The following ADK variants were observed in gnomAD, a reference collection of about 807,000 sequenced individuals.
ADK encodes adenosine kinase.
ADK carries 24 observed loss-of-function variants against 44.7 expected under a neutral mutation model. The observed-to-expected ratio is 0.54, with a 90% CI of 0.39 to 0.76. The LOEUF is 0.76. Among genes scored for constraint, ADK ranks in the 30% least tolerant of loss-of-function variants. The probability of loss-of-function intolerance (pLI) is 0.00; values close to 1 mark genes in which losing one functional copy is unlikely to be tolerated. For missense variants in ADK, 321 were observed against 425.1 expected, an observed-to-expected ratio of 0.76 and a Z score of 2.15; for synonymous variants, 128 against 142.6, an observed-to-expected ratio of 0.90 and a Z score of 0.73.
intron 2 of ADK, among the ~76,000 whole-genome samples, chr10:74,212,482 A>G (rs1282677358): frequency 2.0e-5 from 3 of 152,208 alleles, no homozygotes; most frequent in Non-Finnish European, 4.4e-5. Flanking sequence ...AATAGAGGTT[A>G]AGAGTGTGCT....
intron 1 of ADK, among the ~76,000 whole-genome samples, chr10:74,156,713 A>C (rs370472487): frequency 1.3e-5 from 2 of 152,224 alleles, no homozygotes; most frequent in Admixed American, 6.5e-5. Flanking sequence ...GGCATCAGCT[A>C]TCTGGTTTGA....
chr10:74,159,064 T>C (rs185913617), intron 1 of ADK, among the ~76,000 whole-genome samples: 3 of 152,340 alleles, frequency 2.0e-5, no homozygotes, highest in Non-Finnish European at 2.9e-5. Flanking sequence ...TTTGCTCTCA[T>C]TTATGTGTAT....
At chr10:74,544,933 G>A (rs562751139) in intron 7 of ADK, among the ~76,000 whole-genome samples, 3 of 149,550 alleles carry the variant, frequency 2.0e-5, no homozygotes, top group South Asian at 2.1e-4. Flanking sequence ...TTGCCATGTC[G>A]CCAGGTTAAA....
chr10:74,273,906 A>AT (rs1471204147), intron 3 of ADK, among the ~76,000 whole-genome samples: 4 of 152,060 alleles, frequency 2.6e-5, no homozygotes, highest in South Asian at 2.1e-4. Context: ...GTTCTATGCA[A>AT]TTTTTTTTGT....
chr10:74,392,368 A>T (rs1254608255), intron 4 of ADK, among the ~76,000 whole-genome samples: 1 of 152,162 alleles, frequency 6.6e-6, no homozygotes, highest in African/African-American at 2.4e-5. Flanking sequence ...GATCAGTGTG[A>T]AGTGATATCT....
At chr10:74,158,436 G>T (rs1841813232) in intron 1 of ADK, among the ~76,000 whole-genome samples, 1 of 152,168 alleles carries the variant, frequency 6.6e-6, no homozygotes, top group Admixed American at 6.6e-5. Context: ...GAAGCTGGAA[G>T]TTTTTTAAAA....
At chr10:74,595,772 G>A (rs75156079) in intron 8 of ADK, among the ~76,000 whole-genome samples, 118,611 of 118,754 alleles carry the variant, frequency 1, 59,234 homozygotes, top group Admixed American at 1. Context: ...CAAGGTGGGT[G>A]GATCACCTGA....
At chr10:74,240,372 T>TTGTGTGTGTGTGTGTGTGTGTGTGTG (rs142465407) in intron 3 of ADK, among the ~76,000 whole-genome samples, 4 of 147,138 alleles carry the variant, frequency 2.7e-5, no homozygotes, top group Admixed American at 1.4e-4. Context: ...TCCTTTTATT[T>TTGTGTGTGTGTGTGTGTGTGTGTGTG]TGTGTGTGTG....
chr10:74,457,415 TTGG>T (rs1845994556), intron 6 of ADK, among the ~76,000 whole-genome samples: 1 of 152,142 alleles, frequency 6.6e-6, no homozygotes, highest in South Asian at 2.1e-4. Context: ...AGAGGAGCTG[TTGG>T]TGGGAGTGTA....
intron 9 of ADK, among the ~76,000 whole-genome samples, chr10:74,654,788 C>A (rs530603659): frequency 6.6e-6 from 1 of 151,010 alleles, no homozygotes; most frequent in African/African-American, 2.4e-5. Flanking sequence ...TGCACTCCAG[C>A]CTGGGTGACA....
At chr10:74,683,530 C>T (rs1205714584) in intron 10 of ADK, among the ~76,000 whole-genome samples, 1 of 152,118 alleles carries the variant, frequency 6.6e-6, no homozygotes, top group Non-Finnish European at 1.5e-5. Flanking sequence ...ACAGGTATTC[C>T]AGATAACTTG....
rs555253003 is a variant in ADK at position 74,340,825 on chromosome 10, T to C, written c.273+26080T>C. 1.1e-4 allele frequency among the ~76,000 whole-genome samples: 16 copies of C among 152,308 alleles called. 1 individual carries two copies. In the South Asian group the frequency reaches 3.3e-3, roughly 32 times the overall value. On this transcript the variant is annotated intron_variant, in intron 4 of 10. Coordinates refer to ENST00000539909, the MANE Select transcript of ADK (RefSeq NM_006721.4). ...ATTTTAAATACTTAATTTTGAAAGA[T>C]TAAAATGGCTGGCAAATTTATTGCC...
At chr10:74,423,024 T>C (rs896625846) in intron 6 of ADK, among the ~76,000 whole-genome samples, 1 of 151,864 alleles carries the variant, frequency 6.6e-6, no homozygotes, top group Non-Finnish European at 1.5e-5. Flanking sequence ...AAACAAGATA[T>C]GGATGTAGAT....
chr10:74,660,149 GAC>G (rs1854647458), intron 9 of ADK, among the ~76,000 whole-genome samples: 1 of 151,960 alleles, frequency 6.6e-6, no homozygotes, highest in Non-Finnish European at 1.5e-5. Flanking sequence ...TTCTTTCTGA[GAC>G]AACATCTGGC....
chr10:74,525,447 CA>C, intron 7 of ADK, 21 bp downstream of exon 7: 4 of 1,597,246 alleles, frequency 2.5e-6, no homozygotes, highest in Non-Finnish European at 3.4e-6. Flanking sequence ...TTTCCTTTTT[CA>C]AAAGAACCTG....
chr10:74,496,120 A>G (rs1178443969), intron 6 of ADK, among the ~76,000 whole-genome samples: 5 of 152,128 alleles, frequency 3.3e-5, no homozygotes, highest in African/African-American at 1.2e-4. Context: ...CAGAAATATC[A>G]CCTTTGGAGG....
At chr10:74,538,947 G>A (rs1378643342) in intron 7 of ADK, among the ~76,000 whole-genome samples, 1 of 152,086 alleles carries the variant, frequency 6.6e-6, no homozygotes, top group Non-Finnish European at 1.5e-5. Flanking sequence ...AAATCTGTGT[G>A]AATCTATGTG....
intron 7 of ADK, among the ~76,000 whole-genome samples, chr10:74,574,736 C>G (rs1314382698): frequency 6.6e-6 from 1 of 152,172 alleles, no homozygotes; most frequent in Non-Finnish European, 1.5e-5. Flanking sequence ...ATATGAATTG[C>G]ATAAATACTC....
intron 6 of ADK, among the ~76,000 whole-genome samples, chr10:74,439,469 C>T (rs1845315928): frequency 6.6e-6 from 1 of 152,128 alleles, no homozygotes; most frequent in Non-Finnish European, 1.5e-5. Flanking sequence ...ACTGATTTTT[C>T]ATCTGTAAAG....
Sources: gnomAD v4.1 joint callset for allele counts (sites outside exome capture counted in the v4.1 genomes callset) on GRCh38, gnomAD v4.1.1 for gene constraint, MANE v1.5 for transcripts, NCBI Gene and HGNC (gene_info 2026-07-23, HGNC 2026-07-21) for gene names.